Variants in HIVEP3 observed in about 807,000 individuals in gnomAD.
HIVEP3 encodes HIVEP zinc finger 3, also known as transcription factor HIVEP3.
HIVEP3 carries 49 observed loss-of-function variants against 152.8 expected under a neutral mutation model. The ratio of observed to expected loss-of-function variants is 0.32; its 90% confidence interval spans 0.26 to 0.41. HIVEP3 has a LOEUF of 0.41. HIVEP3 is among the 10% of genes least tolerant of loss of function. HIVEP3 has a pLI of 1.00. For synonymous variants in HIVEP3, 1,269 were observed against 1,289.0 expected (o/e 0.98, Z 0.33); for missense variants, 2,790 against 3,103.3 (o/e 0.90, Z 2.40).
At chr1:41,712,710 T>TGTATCACA (rs1228988654) in intron 1 of HIVEP3, among the ~76,000 whole-genome samples, 2 of 152,214 alleles carry the variant, frequency 1.3e-5, no homozygotes, top group Non-Finnish European at 2.9e-5. Context: ...CCAGGTCTCT[T>TGTATCACA]GTATCACAGG....
Position 41,584,830 on chromosome 1 carries a change from G to T in HIVEP3, c.-33C>A. The T allele has an allele frequency of 1.4e-6, 2 of 1,470,060 alleles. No homozygotes were observed. The highest frequency in any genetic ancestry group is 4.7e-5 in the East Asian group (2 of 42,586). The allele number at this position is 1,470,060 out of a possible 1,614,324, so 91.1% of individuals were successfully genotyped here. ...ACAAAGACTTCAGATGCTATTCAGG[G>T]AGAGTCAGGGCGGGCTGCATTTATG... On this transcript the variant is annotated 5_prime_UTR_variant, in exon 4 of 9. Coordinates refer to ENST00000372583, the MANE Select transcript of HIVEP3 (RefSeq NM_024503.5). This position sits in a 1 kb window ranked among gnomAD's most constrained non-coding sequence, Gnocchi z 5.2.
At chr1:41,599,447 A>T (rs1436540881) in intron 3 of HIVEP3, among the ~76,000 whole-genome samples, 1 of 152,246 alleles carries the variant, frequency 6.6e-6, no homozygotes, top group Non-Finnish European at 1.5e-5. Context: ...CTTCTGTTCA[A>T]CAAAGACTCT....
chr1:41,745,209 G>A (rs188630628), intron 1 of HIVEP3, among the ~76,000 whole-genome samples: 4 of 152,208 alleles, frequency 2.6e-5, no homozygotes, highest in East Asian at 3.9e-4. Flanking sequence ...TAAGTCTGCC[G>A]TGTCCTTTCT....
chr1:41,794,708 C>T (rs76512741), intron 1 of HIVEP3, among the ~76,000 whole-genome samples: 12,307 of 152,230 alleles, frequency 0.081, 644 homozygotes, highest in Non-Finnish European at 0.12. Context: ...ACTAGGCAAA[C>T]TAAACTTTTC....
intron 1 of HIVEP3, among the ~76,000 whole-genome samples, chr1:41,711,856 C>T (rs1231281826): frequency 1.3e-5 from 2 of 152,160 alleles, no homozygotes; most frequent in African/African-American, 4.8e-5. Context: ...AAACAATGGG[C>T]TATTCTGGGG....
At chr1:41,986,992 A>G (rs538997129) in intron 1 of HIVEP3, among the ~76,000 whole-genome samples, 1 of 152,330 alleles carries the variant, frequency 6.6e-6, no homozygotes, top group African/African-American at 2.4e-5. Flanking sequence ...ATATCTGTAT[A>G]CTGTACTATA....
At chr1:41,627,188 G>T (rs1235791853) in intron 3 of HIVEP3, among the ~76,000 whole-genome samples, 1 of 152,218 alleles carries the variant, frequency 6.6e-6, no homozygotes, top group African/African-American at 2.4e-5. Flanking sequence ...CGCCAGAAGG[G>T]TGACTCACGT....
At chr1:41,822,833 A>C (rs1642648134) in intron 1 of HIVEP3, among the ~76,000 whole-genome samples, 1 of 152,244 alleles carries the variant, frequency 6.6e-6, no homozygotes, top group Admixed American at 6.5e-5. Flanking sequence ...TGACAGCTGC[A>C]GAATGCGGCA....
rs1385648287 is a variant in HIVEP3 at position 41,506,889 on chromosome 1, T to C, written c.*3562A>G. 2 of 46,602 alleles carry C rather than the reference T, an allele frequency of 4.3e-5. No homozygotes were observed. Among genetic ancestry groups the C allele is most frequent in the African/African-American group, 7.0e-5 (2 of 28,578 alleles). The allele number at this position is 46,602 out of a possible 1,614,324, so 2.9% of individuals were successfully genotyped here. A position where few individuals can be genotyped will look rare whatever the true frequency, so the allele number is the denominator to read the frequency against. On this transcript the variant is annotated 3_prime_UTR_variant, in exon 9 of 9. Transcript: ENST00000372583. ...TATTTTACATTTGCCTGCACGTTTCTTTTTTCTGTTTCTTTTCTTTCTTTC... is the reference window on the plus strand; with the variant it reads ...TATTTTACATTTGCCTGCACGTTTCCTTTTTCTGTTTCTTTTCTTTCTTTC...
At chr1:41,957,812 C>A (rs766685412) in intron 1 of HIVEP3, among the ~76,000 whole-genome samples, 1 of 152,208 alleles carries the variant, frequency 6.6e-6, no homozygotes, top group Non-Finnish European at 1.5e-5. Context: ...TAGGACATGG[C>A]ACCAGCTCCC....
intron 1 of HIVEP3, among the ~76,000 whole-genome samples, chr1:41,783,346 T>C (rs893819345): frequency 4.6e-5 from 7 of 152,094 alleles, no homozygotes; most frequent in Non-Finnish European, 8.8e-5. Flanking sequence ...AGGATCACAT[T>C]AAAGAGATGA....
chr1:41,535,014 G>A (rs1435695222), intron 5 of HIVEP3, among the ~76,000 whole-genome samples: 1 of 152,156 alleles, frequency 6.6e-6, no homozygotes, highest in African/African-American at 2.4e-5. Context: ...CGGTCACATG[G>A]CGGGCATCAC....
intron 1 of HIVEP3, among the ~76,000 whole-genome samples, chr1:42,010,989 A>G (rs1000245421): frequency 1.3e-5 from 2 of 152,132 alleles, no homozygotes; most frequent in South Asian, 4.2e-4. Context: ...ACAATTCTTC[A>G]TTTAGTTCTA....
intron 5 of HIVEP3, among the ~76,000 whole-genome samples, chr1:41,528,701 TCA>T (rs1178151561): frequency 4.6e-5 from 4 of 86,198 alleles, no homozygotes; most frequent in East Asian, 3.8e-4. Context: ...ACGTTCACCC[TCA>T]GACTCACAGC....
intron 2 of HIVEP3, among the ~76,000 whole-genome samples, chr1:41,671,602 G>C (rs946212664): frequency 6.6e-6 from 1 of 152,234 alleles, no homozygotes; most frequent in East Asian, 1.9e-4. Context: ...GTCCCACTCT[G>C]CCTTCTCAGA....
At chr1:41,665,275 G>A (rs1280872965) in intron 2 of HIVEP3, among the ~76,000 whole-genome samples, 1 of 152,210 alleles carries the variant, frequency 6.6e-6, no homozygotes, top group African/African-American at 2.4e-5. Flanking sequence ...CCACCAGTCT[G>A]CAGAAAGGCA....
chr1:41,545,347 CCAT>C (rs1457539543), intron 5 of HIVEP3, among the ~76,000 whole-genome samples: 50 of 106,802 alleles, frequency 4.7e-4, no homozygotes, highest in African/African-American at 9.5e-4. Flanking sequence ...ATCACCACCA[CCAT>C]CATCGCCACC....
Position 41,581,799 on chromosome 1 carries a change from G to A in HIVEP3, c.2999C>T (p.Ser1000Phe). 1.9e-6 allele frequency: 3 copies of A among 1,586,508 alleles called. No individual in the cohort carries two copies. Among genetic ancestry groups the A allele is most frequent in the Non-Finnish European group, 2.6e-6 (3 of 1,166,298 alleles). ...RSASEQSPNV[S>F]HSAHMTETRS... ...TGTCTCGGTCATGTGGGCAGAATGG[G>A]AAACGTTGGGGCTCTGCTCTGAGGC... The change falls in exon 4 of 9, where the codon TCC becomes TTC. Residue 1000 changes from serine to phenylalanine, a missense_variant. Ser to Phe is a radical substitution (Grantham distance 155). Coordinates refer to ENST00000372583, the MANE Select transcript of HIVEP3 (RefSeq NM_024503.5). This position sits in a 1 kb window ranked among gnomAD's most constrained non-coding sequence, Gnocchi z 4.5.
chr1:41,889,662 T>A (rs1204625816), intron 1 of HIVEP3, among the ~76,000 whole-genome samples: 1 of 152,174 alleles, frequency 6.6e-6, no homozygotes, highest in East Asian at 1.9e-4. Context: ...ATTTCCCATA[T>A]GTTAGTGTGT....
Sources: allele counts gnomAD v4.1 joint callset (sites outside exome capture counted in the v4.1 genomes callset), GRCh38; gene constraint gnomAD v4.1.1; non-coding constraint Gnocchi (gnomAD v3.1); transcripts MANE v1.5; gene names NCBI Gene and HGNC (gene_info 2026-07-23, HGNC 2026-07-21).